The following PCDHA8 variants were observed in gnomAD, a reference collection of about 807,000 sequenced individuals.
PCDHA8 encodes the protein protocadherin alpha 8, also known as protocadherin alpha-8.
In PCDHA8, 53 loss-of-function variants were observed where a neutral mutation model predicts 61.8. The ratio of observed to expected loss-of-function variants is 0.86; its 90% CI spans 0.69 to 1.08. PCDHA8 has a LOEUF of 1.08. PCDHA8 is among the 50% of genes least tolerant of loss of function. PCDHA8 has a pLI of 0.00. For missense variants in PCDHA8, 1,293 were observed against 1,245.0 expected (o/e 1.04, Z -0.58); for synonymous variants, 618 against 556.6 (o/e 1.11, Z -1.55).
chr5:140,917,294 G>A (rs1369973116), intron 1 of PCDHA8, among the ~76,000 whole-genome samples: 2 of 143,498 alleles, frequency 1.4e-5, no homozygotes, highest in Non-Finnish European at 3.0e-5. Flanking sequence ...TCCGTGTGCA[G>A]ATAGTTGTTA....
chr5:140,966,413 A>G, intron 1 of PCDHA8: 2 of 419,134 alleles, frequency 4.8e-6, no homozygotes, highest in South Asian at 1.0e-4. Flanking sequence ...GAATCAGAGC[A>G]GGACTTGCTG....
At chr5:141,002,312 C>T (rs1171531371) in intron 3 of PCDHA8, among the ~76,000 whole-genome samples, 1 of 152,230 alleles carries the variant, frequency 6.6e-6, no homozygotes, top group East Asian at 1.9e-4. Flanking sequence ...GGGGCCGAAA[C>T]CTGGAGGCCG....
In PCDHA8 at chr5:140,851,118, T is replaced by C. The variant is rs1554145256; in HGVS notation, c.2394+7403T>C. Reference sequence around the variant, plus strand: ...TATTTTTTGGGTGCTGAATCAATTTTATTTAAATTTGTGATTAAAGTGACA... The same window carrying C: ...TATTTTTTGGGTGCTGAATCAATTTCATTTAAATTTGTGATTAAAGTGACA... On this transcript the variant is annotated intron_variant, in intron 1 of 3. Transcript: ENST00000531613. 5 of 1,307,406 alleles carry C rather than the reference T, an allele frequency of 3.8e-6. No individual in the cohort carries two copies. The East Asian group carries it at 1.3e-4, about 35-fold the overall frequency. The allele number at this position is 1,307,406 out of a possible 1,614,324, so 81.0% of individuals were successfully genotyped here.
At chr5:140,985,684 C>T (rs2097164164) in intron 3 of PCDHA8, among the ~76,000 whole-genome samples, 1 of 151,578 alleles carries the variant, frequency 6.6e-6, no homozygotes, top group Non-Finnish European at 1.5e-5. Flanking sequence ...CTGCCTTACG[C>T]TAATCCTCGT....
intron 1 of PCDHA8, chr5:140,926,750 G>C (rs2083528007): frequency 8.0e-7 from 1 of 1,256,516 alleles, no homozygotes; most frequent in Non-Finnish European, 1.0e-6. Flanking sequence ...AACGTCGGCG[G>C]TCGCTGAGTA....
At chr5:140,953,124 A>G (rs1554220816) in intron 1 of PCDHA8, among the ~76,000 whole-genome samples, 1 of 152,150 alleles carries the variant, frequency 6.6e-6, no homozygotes, top group African/African-American at 2.4e-5. Flanking sequence ...ACAGATCTAA[A>G]CCGTATCACT....
At chr5:140,880,214 A>C (rs2058267657) in intron 1 of PCDHA8, among the ~76,000 whole-genome samples, 1 of 152,224 alleles carries the variant, frequency 6.6e-6, no homozygotes, top group African/African-American at 2.4e-5. Flanking sequence ...TTCCACCAGA[A>C]GTAGAACATT....
chr5:140,900,420 GGC>G lies in PCDHA8; in HGVS notation c.2394+56706_2394+56707del, dbSNP rs1554189140. ...AGCCTCCCAAGTAGCTGGGATTATA[GGC>G]ACGTGCCACCACGGCCGGCTAATTT... On this transcript the variant is annotated intron_variant, in intron 1 of 3. Transcript: ENST00000531613. Among the ~76,000 whole-genome samples the G allele has an allele frequency of 7.9e-5, 12 of 152,256 alleles. No individual in the cohort carries two copies. The East Asian group carries it at 2.3e-3, about 30-fold the overall frequency.
intron 1 of PCDHA8, among the ~76,000 whole-genome samples, chr5:140,891,797 C>A (rs2063254101): frequency 6.6e-6 from 1 of 152,136 alleles, no homozygotes; most frequent in Non-Finnish European, 1.5e-5. Context: ...TATGAGGGAT[C>A]TGCCCTCATG....
At chr5:140,927,903 C>T in intron 1 of PCDHA8, 1 of 1,614,158 alleles carries the variant, frequency 6.2e-7, no homozygotes, top group South Asian at 1.1e-5. Flanking sequence ...ACGATCATGC[C>T]CCCGAACTGG....
intron 1 of PCDHA8, chr5:140,875,824 C>T (rs1554167977): frequency 7.4e-6 from 12 of 1,614,156 alleles, no homozygotes; most frequent in East Asian, 2.2e-5. Context: ...GCAGGTTTTC[C>T]ATGTGGACGT....
intron 1 of PCDHA8, chr5:140,969,336 GA>G: frequency 2.5e-6 from 4 of 1,613,996 alleles, no homozygotes; most frequent in Non-Finnish European, 3.4e-6. Context: ...AATGAGGTGA[GA>G]CAGTGGTCAG....
intron 1 of PCDHA8, among the ~76,000 whole-genome samples, chr5:140,925,464 A>G (rs1181531744): frequency 6.6e-6 from 1 of 152,114 alleles, no homozygotes; most frequent in Non-Finnish European, 1.5e-5. Flanking sequence ...GTTGTGGCTC[A>G]GAGATGTTTC....
At chr5:141,008,434 A>G (rs1466409442) in intron 3 of PCDHA8, among the ~76,000 whole-genome samples, 2 of 152,196 alleles carry the variant, frequency 1.3e-5, no homozygotes, top group Admixed American at 6.5e-5. Context: ...CACTTTGCCC[A>G]GACAGACCAT....
chr5:140,896,432 G>C (rs2065542713), intron 1 of PCDHA8, among the ~76,000 whole-genome samples: 1 of 152,008 alleles, frequency 6.6e-6, no homozygotes, highest in African/African-American at 2.4e-5. Context: ...ATTCTGACTG[G>C]TGTGACTGCA....
intron 1 of PCDHA8, chr5:140,876,569 G>C (rs1554168675): frequency 6.2e-7 from 1 of 1,614,186 alleles, no homozygotes; most frequent in Admixed American, 1.7e-5. Flanking sequence ...GCTCAGGTGG[G>C]TACCGTCATT....
intron 1 of PCDHA8, chr5:140,969,483 G>C (rs531496681): frequency 1.4e-6 from 2 of 1,462,372 alleles, no homozygotes; most frequent in African/African-American, 1.4e-5. Context: ...ATCATAATCT[G>C]CTATTTCCTC....
At chr5:140,992,020 TGTGTG>T (rs1460938904) in intron 3 of PCDHA8, among the ~76,000 whole-genome samples, 1 of 51,270 alleles carries the variant, frequency 2.0e-5, no homozygotes, top group African/African-American at 5.9e-5. Flanking sequence ...GGTGGCTCTG[TGTGTG>T]TGTGTGTGTG....
At chr5:140,906,045 T>C (rs1002159774) in intron 1 of PCDHA8, among the ~76,000 whole-genome samples, 3 of 152,194 alleles carry the variant, frequency 2.0e-5, no homozygotes, top group African/African-American at 7.2e-5. Flanking sequence ...GCTTTTATTC[T>C]GGCTGCACTG....
Sources: allele counts gnomAD v4.1 joint callset (sites outside exome capture counted in the v4.1 genomes callset), GRCh38; gene constraint gnomAD v4.1.1; transcripts MANE v1.5; gene names NCBI Gene and HGNC (gene_info 2026-07-23, HGNC 2026-07-21).